The following TTC27 variants were observed in gnomAD, a reference collection of about 807,000 sequenced individuals.
TTC27 encodes the protein tetratricopeptide repeat domain 27, also known as tetratricopeptide repeat protein 27.
In TTC27, 79 loss-of-function variants were observed where a neutral mutation model predicts 115.9. That is an observed-to-expected ratio of 0.68 (90% confidence interval 0.57 to 0.82). The LOEUF is 0.82. Ranked by LOEUF, TTC27 falls within the 40% of genes least tolerant of loss-of-function variation. The pLI, the probability that TTC27 is intolerant of heterozygous loss-of-function variation, is 0.00. For synonymous variants in TTC27, 401 were observed against 356.0 expected, an observed-to-expected ratio of 1.13 and a Z score of -1.42; for missense variants, 1,054 against 993.1, an observed-to-expected ratio of 1.06 and a Z score of -0.82.
intron 13 of TTC27, among the ~76,000 whole-genome samples, chr2:32,767,446 TTTTTTTG>T (rs1283994930): frequency 5.1e-5 from 4 of 78,940 alleles, no homozygotes; most frequent in Admixed American, 1.3e-4. Context: ...TTTATAAGTT[TTTTTTTG>T]TTTTTTTTTT....
At chr2:32,708,290 C>A (rs374970566) in intron 10 of TTC27, among the ~76,000 whole-genome samples, 1 of 82,224 alleles carries the variant, frequency 1.2e-5, no homozygotes, top group Non-Finnish European at 2.6e-5. Context: ...ATAGCGTTTT[C>A]TTTTCTCTAC....
At chr2:32,806,947 A>G (rs928998853) in intron 16 of TTC27, among the ~76,000 whole-genome samples, 1 of 152,348 alleles carries the variant, frequency 6.6e-6, no homozygotes, top group African/African-American at 2.4e-5. Flanking sequence ...TGTAGTGTAC[A>G]TACAGAAAAG....
intron 6 of TTC27, among the ~76,000 whole-genome samples, chr2:32,665,602 A>G (rs76828096): frequency 0.073 from 11,189 of 152,284 alleles, 455 homozygotes; most frequent in East Asian, 0.13. Context: ...CTTCCTATAA[A>G]AAATAAACTG....
chr2:32,777,607 A>G (rs549198817), intron 13 of TTC27, among the ~76,000 whole-genome samples: 1 of 152,312 alleles, frequency 6.6e-6, no homozygotes, highest in South Asian at 2.1e-4. Context: ...CAACATGCCC[A>G]GTAAGGAGTT....
chr2:32,667,221 G>A (rs1194570333), intron 7 of TTC27, among the ~76,000 whole-genome samples: 2 of 151,726 alleles, frequency 1.3e-5, no homozygotes, highest in Admixed American at 6.6e-5. Context: ...TTTGTGATCG[G>A]CCTTTTGTTT....
intron 10 of TTC27, among the ~76,000 whole-genome samples, chr2:32,703,282 C>T (rs929212810): frequency 7.9e-5 from 12 of 152,194 alleles, no homozygotes; most frequent in Non-Finnish European, 1.8e-4. Flanking sequence ...GCCTGGCCAA[C>T]ATGGTGAAAC....
At chr2:32,808,080 C>T (rs1020346466) in intron 16 of TTC27, among the ~76,000 whole-genome samples, 11 of 151,810 alleles carry the variant, frequency 7.2e-5, no homozygotes, top group African/African-American at 2.4e-4. Flanking sequence ...TTACAGGTAC[C>T]CACCACCACA....
chr2:32,762,328 T>TGTGG (rs1491413114), intron 13 of TTC27, among the ~76,000 whole-genome samples: 1 of 97,876 alleles, frequency 1.0e-5, no homozygotes, highest in African/African-American at 4.0e-5. Context: ...TGTGTGTGTG[T>TGTGG]TGGGGGAACA....
chr2:32,805,970 G>A (rs1053134336), intron 16 of TTC27, among the ~76,000 whole-genome samples: 4 of 152,098 alleles, frequency 2.6e-5, no homozygotes, highest in Admixed American at 2.6e-4. Flanking sequence ...GATACTTGGT[G>A]TTTAGGTAGA....
chr2:32,684,030 C>T (rs1190492922), intron 9 of TTC27, among the ~76,000 whole-genome samples: 3 of 151,988 alleles, frequency 2.0e-5, no homozygotes, highest in East Asian at 1.9e-4. Context: ...TGGTGGTGCT[C>T]GCCTATAATC....
intron 13 of TTC27, among the ~76,000 whole-genome samples, chr2:32,760,889 C>G (rs1418776804): frequency 1.3e-5 from 2 of 152,170 alleles, no homozygotes; most frequent in East Asian, 3.9e-4. Flanking sequence ...GCAGCTCCTT[C>G]TCAGGCTCCC....
At chr2:32,793,723 A>T (rs1016193627) in intron 16 of TTC27, among the ~76,000 whole-genome samples, 1 of 152,066 alleles carries the variant, frequency 6.6e-6, no homozygotes, top group African/African-American at 2.4e-5. Context: ...GGGTTTCACC[A>T]TGTTGGCCAG....
chr2:32,679,593 G>C (rs1228177894), intron 9 of TTC27, among the ~76,000 whole-genome samples: 2 of 152,014 alleles, frequency 1.3e-5, no homozygotes, highest in African/African-American at 4.8e-5. Flanking sequence ...TTTTTCAAAG[G>C]CATTTTCATT....
At chr2:32,684,274 A>G (rs150400897) in intron 9 of TTC27, among the ~76,000 whole-genome samples, 11,046 of 152,146 alleles carry the variant, frequency 0.073, 478 homozygotes, top group East Asian at 0.14. Flanking sequence ...TTATGGCTGC[A>G]TAGTATGCCA....
intron 16 of TTC27, among the ~76,000 whole-genome samples, chr2:32,799,391 T>C (rs1439260029): frequency 6.6e-6 from 1 of 152,186 alleles, no homozygotes; most frequent in African/African-American, 2.4e-5. Context: ...AATTGTATGT[T>C]ATGTGTATTT....
intron 10 of TTC27, among the ~76,000 whole-genome samples, chr2:32,704,670 C>G (rs912242420): frequency 6.6e-6 from 1 of 152,094 alleles, no homozygotes; most frequent in African/African-American, 2.4e-5. Context: ...CTCTCAGGCT[C>G]CTTTATTCCA....
intron 13 of TTC27, among the ~76,000 whole-genome samples, chr2:32,768,430 A>C (rs1028609127): frequency 6.6e-6 from 1 of 152,198 alleles, no homozygotes; most frequent in African/African-American, 2.4e-5. Flanking sequence ...TGCAGTTTGT[A>C]CATTACATTA....
Position 32,777,977 on chromosome 2 carries a change from C to T in TTC27, c.1776C>T (p.Pro592=), listed in dbSNP as rs752915167. 5.6e-6 allele frequency: 9 copies of T among 1,613,728 alleles called. 1 individual carries two copies. Among genetic ancestry groups the T allele is most frequent in the South Asian group, 5.5e-5 (5 of 91,006 alleles). The change falls in exon 14 of 20, where the codon CCC becomes CCT. Residue 592 remains proline, a synonymous_variant. Coordinates refer to ENST00000317907, the MANE Select transcript of TTC27 (RefSeq NM_017735.5). The part of the protein sequence containing the change: ...KAFQRCVTLE[P]DNAEAWNNLS... ...TTCAGCGCTGTGTGACTCTAGAACC[C>T]GATGTAAGTTTGTTTGATCTTCTGT...
intron 12 of TTC27, among the ~76,000 whole-genome samples, chr2:32,737,507 A>C (rs766574794): frequency 1.3e-5 from 2 of 152,180 alleles, no homozygotes; most frequent in Non-Finnish European, 2.9e-5. Flanking sequence ...GATCATTTAT[A>C]CCTACAGTCA....
Sources: gnomAD v4.1 joint callset for allele counts (sites outside exome capture counted in the v4.1 genomes callset) on GRCh38, gnomAD v4.1.1 for gene constraint, MANE v1.5 for transcripts, NCBI Gene and HGNC (gene_info 2026-07-23, HGNC 2026-07-21) for gene names.